The following MICU3 variants were observed in gnomAD, a reference collection of about 807,000 sequenced individuals.
The protein encoded by MICU3 is mitochondrial calcium uptake 3.
MICU3 carries 62 observed loss-of-function variants against 66.5 expected under a neutral mutation model. The observed-to-expected ratio is 0.93, with a 90% CI of 0.76 to 1.15. The LOEUF is 1.15. Among genes scored for constraint, MICU3 ranks in the 50% most tolerant of loss-of-function variants. The probability of loss-of-function intolerance (pLI) is 0.00; values close to 1 mark genes in which losing one functional copy is unlikely to be tolerated. For synonymous variants in MICU3, 308 were observed against 240.7 expected (o/e 1.28, Z -2.59); for missense variants, 779 against 664.4 (o/e 1.17, Z -1.90).
intron 3 of MICU3, among the ~76,000 whole-genome samples, chr8:17,070,801 A>T (rs914436708): frequency 1.3e-5 from 2 of 152,068 alleles, no homozygotes; most frequent in African/African-American, 4.8e-5. Context: ...TCAGTGGGTA[A>T]TATGCTCTAA....
intron 7 of MICU3, among the ~76,000 whole-genome samples, chr8:17,089,338 C>A (rs377311635): frequency 5.3e-5 from 8 of 152,092 alleles, no homozygotes; most frequent in African/African-American, 1.9e-4. Context: ...TTGTTAATCA[C>A]ATTTTAAATA....
At chr8:17,054,080 T>A (rs1816524032) in intron 1 of MICU3, among the ~76,000 whole-genome samples, 1 of 152,208 alleles carries the variant, frequency 6.6e-6, no homozygotes, top group Admixed American at 6.5e-5. Flanking sequence ...GAAAAAAAAT[T>A]CCGTTTCAGC....
intron 6 of MICU3, among the ~76,000 whole-genome samples, chr8:17,086,033 T>C (rs1054110727): frequency 4.6e-5 from 7 of 152,100 alleles, no homozygotes; most frequent in Non-Finnish European, 8.8e-5. Context: ...CATGCTCTGC[T>C]TTTAGCATAT....
chr8:17,034,769 G>A (rs1328427652), intron 1 of MICU3, among the ~76,000 whole-genome samples: 1 of 152,226 alleles, frequency 6.6e-6, no homozygotes, highest in Non-Finnish European at 1.5e-5. Flanking sequence ...TTTAACAGAC[G>A]AGGACTTGCC....
the MICU3 span, among the ~76,000 whole-genome samples, chr8:17,137,050 G>T: frequency 2.0e-5 from 3 of 151,950 alleles, no homozygotes; most frequent in Non-Finnish European, 4.4e-5. Flanking sequence ...GGCCAGGATG[G>T]TCTTCATCTC....
At chr8:17,031,320 C>T (rs1156316727) in intron 1 of MICU3, among the ~76,000 whole-genome samples, 1 of 146,104 alleles carries the variant, frequency 6.8e-6, no homozygotes, top group African/African-American at 2.6e-5. Flanking sequence ...CATAGCATCG[C>T]TCTATCGCTC....
intron 11 of MICU3, among the ~76,000 whole-genome samples, chr8:17,110,310 G>A (rs1226907538): frequency 1.3e-5 from 2 of 152,078 alleles, no homozygotes; most frequent in African/African-American, 4.8e-5. Flanking sequence ...GAATAATTCA[G>A]TGAGATTTAG....
Position 17,075,231 on chromosome 8 carries a change from A to C in MICU3, c.568-2552A>C, listed in dbSNP as rs1452345315. ...TAGCACAGCAGCGTGTTCAACAACC[A>C]GAAAGCTCCTCTGAGCTTAGTGCTT... On this transcript the variant is annotated intron_variant, in intron 3 of 14. Transcript: ENST00000318063. Among the ~76,000 whole-genome samples the C allele has an allele frequency of 2.6e-5, 4 of 152,198 alleles. 1 individual carries two copies. The highest frequency in any genetic ancestry group is 5.9e-5 in the Non-Finnish European group (4 of 68,050).
rs1286238411 is a variant in MICU3, at chr8:17,119,536, G to C, written c.*1-752G>C. 6.1e-4 allele frequency among the ~76,000 whole-genome samples: 51 copies of C among 83,198 alleles called. 1 individual carries two copies. Among genetic ancestry groups the C allele is most frequent in the African/African-American group, 1.9e-3 (51 of 26,346 alleles). The allele number at this position is 83,198 out of a possible 152,430, so 54.6% of individuals were successfully genotyped here. On this transcript the variant is annotated intron_variant, in intron 14 of 14. Coordinates refer to ENST00000318063, the MANE Select transcript of MICU3 (RefSeq NM_181723.3). ...CTGTTTTTCTCAAGCTTGAAGCATA[G>C]ATAGATAGATAGATAGATAGATAGA... is the stretch of plus-strand genomic sequence containing the variant.
At chr8:17,054,530 A>C (rs888561868) in intron 1 of MICU3, among the ~76,000 whole-genome samples, 2 of 152,132 alleles carry the variant, frequency 1.3e-5, no homozygotes, top group African/African-American at 4.8e-5. Context: ...ATAATTATAG[A>C]GCAAAATGTG....
At chr8:17,092,076 C>A (rs1333215274) in intron 8 of MICU3, among the ~76,000 whole-genome samples, 1 of 152,042 alleles carries the variant, frequency 6.6e-6, no homozygotes, top group East Asian at 1.9e-4. Context: ...TTGGGTTTCA[C>A]CATTTCAGCC....
intron 1 of MICU3, among the ~76,000 whole-genome samples, chr8:17,047,095 A>G (rs562859710): frequency 6.6e-6 from 1 of 152,340 alleles, no homozygotes; most frequent in African/African-American, 2.4e-5. Flanking sequence ...TAACAGCTGG[A>G]TAATAGGATA....
At chr8:17,105,320 A>G (rs937759429) in intron 10 of MICU3, 93 bp from the exon 11 acceptor site, 8 of 697,960 alleles carry the variant, frequency 1.1e-5, no homozygotes, top group South Asian at 2.0e-5. Context: ...TTATTTCCAT[A>G]TAACCTTTTC....
At chr8:17,079,983 C>T (rs1487267038) in intron 4 of MICU3, among the ~76,000 whole-genome samples, 1 of 151,962 alleles carries the variant, frequency 6.6e-6, no homozygotes, top group Non-Finnish European at 1.5e-5. Context: ...TAAGGAACTT[C>T]CCTTAAAATT....
intron 1 of MICU3, among the ~76,000 whole-genome samples, chr8:17,057,847 G>C (rs1305265583): frequency 1.3e-5 from 2 of 151,822 alleles, no homozygotes; most frequent in Non-Finnish European, 2.9e-5. Flanking sequence ...TGTTGTTGTT[G>C]TTGTTGTTGT....
At chr8:17,027,894 A>C (rs952420938) in intron 1 of MICU3, among the ~76,000 whole-genome samples, 8 of 152,304 alleles carry the variant, frequency 5.3e-5, no homozygotes, top group African/African-American at 1.9e-4. Context: ...TGCAGCTACC[A>C]AGTATCAATC....
At chr8:17,038,362 G>C (rs1163183316) in intron 1 of MICU3, among the ~76,000 whole-genome samples, 1 of 152,166 alleles carries the variant, frequency 6.6e-6, no homozygotes, top group Non-Finnish European at 1.5e-5. Flanking sequence ...TTATAAAGGA[G>C]AGTTCCTCTG....
chr8:17,077,713 A>C, intron 3 of MICU3, 70 bp from the exon 4 acceptor site: 3 of 1,087,698 alleles, frequency 2.8e-6, no homozygotes, highest in Non-Finnish European at 2.7e-6. Flanking sequence ...ATGGACATTT[A>C]AACATGTTTT....
intron 7 of MICU3, among the ~76,000 whole-genome samples, chr8:17,089,596 G>A (rs1563360102): frequency 6.6e-6 from 1 of 152,022 alleles, no homozygotes; most frequent in Non-Finnish European, 1.5e-5. Context: ...AGAGAGCATA[G>A]CACAGGCTCA....
Sources: allele counts gnomAD v4.1 joint callset (sites outside exome capture counted in the v4.1 genomes callset), GRCh38; gene constraint gnomAD v4.1.1; transcripts MANE v1.5; gene names NCBI Gene and HGNC (gene_info 2026-07-23, HGNC 2026-07-21).